Variants in BMPR1B observed in about 807,000 individuals in gnomAD.
BMPR1B encodes the protein bone morphogenetic protein receptor type 1B, also known as bone morphogenetic protein receptor type-1B.
In BMPR1B, 12 loss-of-function variants were observed where a neutral mutation model predicts 59.1. That is an observed-to-expected ratio of 0.20 (90% CI 0.13 to 0.33). BMPR1B has a LOEUF of 0.33. Ranked by LOEUF, BMPR1B falls within the 10% of genes least tolerant of loss-of-function variation. The pLI, the probability that BMPR1B is intolerant of heterozygous loss-of-function variation, is 1.00. For synonymous variants in BMPR1B, 237 were observed against 207.3 expected (o/e 1.14, Z -1.23); for missense variants, 550 against 610.9 (o/e 0.90, Z 1.05).
At chr4:95,057,968 TCTGA>T (rs1205664314) in intron 3 of BMPR1B, among the ~76,000 whole-genome samples, 5 of 152,188 alleles carry the variant, frequency 3.3e-5, no homozygotes, top group Non-Finnish European at 5.9e-5. Flanking sequence ...TGAAGGTAGA[TCTGA>T]CTATCTTTTA....
chr4:94,954,108 C>G (rs1665175914), intron 2 of BMPR1B, among the ~76,000 whole-genome samples: 1 of 152,050 alleles, frequency 6.6e-6, no homozygotes. Context: ...TTTTTCAGCT[C>G]CATCAGGTCT....
At position 95,093,909 on chromosome 4, in the gene BMPR1B, T is replaced by A. The variant is rs182865236; in HGVS notation, c.-17-10499T>A. Among the ~76,000 whole-genome samples, 355 of 152,176 alleles carry A rather than the reference T, an allele frequency of 2.3e-3. 1 individual carries two copies. In the Middle Eastern group the frequency reaches 0.024, roughly 10 times the overall value. On this transcript the variant is annotated intron_variant, in intron 3 of 12. Transcript: ENST00000515059. ...AGTGGCTGAAATTAAAAACTGGCAA[T>A]ATCCCTGGTTTTGGTGGTTATGGTT...
chr4:94,771,143 A>G (rs745819928), intron 1 of BMPR1B, among the ~76,000 whole-genome samples: 7 of 152,182 alleles, frequency 4.6e-5, no homozygotes. Flanking sequence ...ATACACACAC[A>G]TACAAACCCC....
intron 1 of BMPR1B, among the ~76,000 whole-genome samples, chr4:94,787,533 T>G (rs991361327): frequency 6.6e-6 from 1 of 152,152 alleles, no homozygotes; most frequent in Non-Finnish European, 1.5e-5. Flanking sequence ...TTCGCCAGTT[T>G]ATTACACTTA....
At chr4:95,143,589 T>C in intron 10 of BMPR1B, among the ~76,000 whole-genome samples, 1 of 152,204 alleles carries the variant, frequency 6.6e-6, no homozygotes, top group East Asian at 1.9e-4. Context: ...AGCCCTTTGA[T>C]TATCAATGTA....
At chr4:94,854,551 AT>A (rs1209156523) in intron 1 of BMPR1B, among the ~76,000 whole-genome samples, 2 of 152,216 alleles carry the variant, frequency 1.3e-5, no homozygotes, top group Non-Finnish European at 2.9e-5. Flanking sequence ...GGAATTCAGT[AT>A]GTATTTAAAA....
intron 2 of BMPR1B, among the ~76,000 whole-genome samples, chr4:94,982,776 A>C (rs1350031824): frequency 6.6e-6 from 1 of 152,020 alleles, no homozygotes. Context: ...GCGGATCAGG[A>C]GATCAAGACC....
chr4:95,115,936 G>A (rs1307025827), intron 6 of BMPR1B, 149 bp downstream of exon 6: 17 of 723,364 alleles, frequency 2.4e-5, no homozygotes, highest in Admixed American at 2.3e-4. Context: ...ACCATCATTC[G>A]AAGACATGTG....
At chr4:95,148,284 G>C (rs1223137806) in intron 10 of BMPR1B, among the ~76,000 whole-genome samples, 4 of 152,148 alleles carry the variant, frequency 2.6e-5, no homozygotes, top group Non-Finnish European at 4.4e-5. Context: ...AAAATAGGAG[G>C]GGAAGGAAGA....
rs570261646 is a variant in BMPR1B at position 94,779,196 on chromosome 4, A to G, written c.-183+21128A>G. ...TTAAGGTCCAATTCTATTTTTTTCC[A>G]TATAAATATGTGTAACCTATTTATG... On this transcript the variant is annotated intron_variant, in intron 1 of 12. Transcript: ENST00000515059. Among the ~76,000 whole-genome samples the G allele has an allele frequency of 2.0e-3, 307 of 152,204 alleles. 2 individuals carry two copies. The highest frequency in any genetic ancestry group is 6.8e-3 in the African/African-American group (284 of 41,546).
chr4:94,868,167 T>G (rs929823910), intron 1 of BMPR1B, among the ~76,000 whole-genome samples: 4 of 142,180 alleles, frequency 2.8e-5, no homozygotes, highest in Admixed American at 6.9e-5. Context: ...CCAGCCTTAC[T>G]TCTTCTTTTT....
At chr4:94,919,743 A>G (rs886591965) in intron 2 of BMPR1B, among the ~76,000 whole-genome samples, 7 of 152,166 alleles carry the variant, frequency 4.6e-5, no homozygotes, top group African/African-American at 9.7e-5. Context: ...GGCAAAGTCT[A>G]TGATCCAGCT....
At chr4:94,763,050 G>A (rs1280787439) in intron 1 of BMPR1B, among the ~76,000 whole-genome samples, 2 of 152,088 alleles carry the variant, frequency 1.3e-5, no homozygotes, top group African/African-American at 4.8e-5. Flanking sequence ...AGAGCCTATA[G>A]TATGTCCTAG....
At chr4:95,046,368 G>A (rs566802073) in intron 3 of BMPR1B, among the ~76,000 whole-genome samples, 7 of 152,272 alleles carry the variant, frequency 4.6e-5, no homozygotes, top group Middle Eastern at 3.4e-3. Context: ...CATGTGAGAG[G>A]CAGGAGAGAG....
intron 1 of BMPR1B, among the ~76,000 whole-genome samples, chr4:94,871,751 C>T (rs949582989): frequency 1.3e-5 from 2 of 152,150 alleles, no homozygotes; most frequent in Non-Finnish European, 1.5e-5. Context: ...ACTGAATAGT[C>T]AAACAATTTT....
At chr4:95,097,560 A>G (rs1261899020) in intron 3 of BMPR1B, among the ~76,000 whole-genome samples, 1 of 151,920 alleles carries the variant, frequency 6.6e-6, no homozygotes, top group Non-Finnish European at 1.5e-5. Context: ...TTTTGTTGAG[A>G]CAGAGTCTCG....
At chr4:95,140,345 A>G (rs538688333) in intron 10 of BMPR1B, among the ~76,000 whole-genome samples, 7 of 152,216 alleles carry the variant, frequency 4.6e-5, no homozygotes, top group African/African-American at 9.6e-5. Flanking sequence ...CAGAGATCCT[A>G]CACATTCTGG....
chr4:95,056,801 A>G (rs1726964622), intron 3 of BMPR1B, among the ~76,000 whole-genome samples: 1 of 152,180 alleles, frequency 6.6e-6, no homozygotes, highest in Non-Finnish European at 1.5e-5. Flanking sequence ...AAAACAAAAC[A>G]AAACAAGACA....
chr4:94,983,929 A>G (rs1384729426), intron 2 of BMPR1B, among the ~76,000 whole-genome samples: 1 of 152,234 alleles, frequency 6.6e-6, no homozygotes, highest in East Asian at 1.9e-4. Context: ...GGTACTAAGC[A>G]AGTGTTTATT....
Sources: gnomAD v4.1 joint callset for allele counts (sites outside exome capture counted in the v4.1 genomes callset) on GRCh38, gnomAD v4.1.1 for gene constraint, MANE v1.5 for transcripts, NCBI Gene and HGNC (gene_info 2026-07-23, HGNC 2026-07-21) for gene names.